The following WWTR1 variants were observed in gnomAD, a reference collection of about 807,000 sequenced individuals.
WWTR1 encodes WW domain-containing transcription regulator protein 1.
A neutral mutation model predicts 40.1 loss-of-function variants in WWTR1; 13 were observed. The observed-to-expected ratio is 0.32, with a 90% CI of 0.21 to 0.52. WWTR1 has a LOEUF of 0.52. Among genes scored for constraint, WWTR1 ranks in the 20% least tolerant of loss-of-function variants. The probability of loss-of-function intolerance (pLI) is 0.97; values close to 1 mark genes in which losing one functional copy is unlikely to be tolerated. For missense variants in WWTR1, 436 were observed against 523.1 expected, an observed-to-expected ratio of 0.83 and a Z score of 1.63; for synonymous variants, 230 against 210.1, an observed-to-expected ratio of 1.09 and a Z score of -0.82.
At chr3:149,539,828 C>A (rs1035300313) in intron 4 of WWTR1, among the ~76,000 whole-genome samples, 2 of 151,970 alleles carry the variant, frequency 1.3e-5, no homozygotes, top group Non-Finnish European at 2.9e-5. Context: ...AACACAGAGC[C>A]CACACCTGAA....
intron 2 of WWTR1, among the ~76,000 whole-genome samples, chr3:149,622,783 G>A (rs780591282): frequency 5.3e-5 from 8 of 151,946 alleles, no homozygotes; most frequent in Non-Finnish European, 1.0e-4. Flanking sequence ...CCAGCTACTC[G>A]GGAGGCTGAG....
At chr3:149,533,708 G>A (rs920590993) in intron 4 of WWTR1, among the ~76,000 whole-genome samples, 2 of 152,086 alleles carry the variant, frequency 1.3e-5, no homozygotes, top group African/African-American at 4.8e-5. Flanking sequence ...GTTACTACAT[G>A]TTGTGGCATC....
intron 2 of WWTR1, among the ~76,000 whole-genome samples, chr3:149,578,748 T>C (rs569631893): frequency 9.2e-5 from 14 of 152,012 alleles, no homozygotes; most frequent in African/African-American, 3.4e-4. Flanking sequence ...AAATACAAAA[T>C]TAGACAGGCA....
Position 149,595,246 on chromosome 3 carries a change from C to A in WWTR1, c.432-22246G>T, listed in dbSNP as rs531266053. Among the ~76,000 whole-genome samples, 8 of 152,160 alleles carry A rather than the reference C, an allele frequency of 5.3e-5. No individual in the cohort carries two copies. In the South Asian group the frequency reaches 1.7e-3, roughly 32 times the overall value. ...AAGTGCTGGGATTACAGGCATGAGC[C>A]ACCGCGCCCAGCCTTGCCTATAACT... On this transcript the variant is annotated intron_variant, in intron 2 of 6. Coordinates refer to ENST00000360632, the MANE Select transcript of WWTR1 (RefSeq NM_015472.6).
chr3:149,558,531 G>T (rs1736945156), intron 3 of WWTR1, among the ~76,000 whole-genome samples: 1 of 152,154 alleles, frequency 6.6e-6, no homozygotes. Flanking sequence ...AGCATGCTCT[G>T]CTGCCCCCAC....
At chr3:149,621,969 ACT>A (rs1427571884) in intron 2 of WWTR1, among the ~76,000 whole-genome samples, 1 of 151,938 alleles carries the variant, frequency 6.6e-6, no homozygotes, top group Non-Finnish European at 1.5e-5. Context: ...CTTTATTTCA[ACT>A]CTCACTCACT....
chr3:149,598,304 A>T (rs1171337225), intron 2 of WWTR1, among the ~76,000 whole-genome samples: 1 of 152,234 alleles, frequency 6.6e-6, no homozygotes, highest in Non-Finnish European at 1.5e-5. Context: ...TTGCCTATAG[A>T]TTATCAAGAA....
chr3:149,626,625 G>C (rs1740555092), intron 2 of WWTR1, among the ~76,000 whole-genome samples: 1 of 151,894 alleles, frequency 6.6e-6, no homozygotes, highest in Non-Finnish European at 1.5e-5. Flanking sequence ...TTTTTGGTTA[G>C]AGGTAAAATT....
chr3:149,519,645 T>A lies in WWTR1; in HGVS notation c.*1160A>T, dbSNP rs1006810062. On this transcript the variant is annotated 3_prime_UTR_variant, in exon 7 of 7. Coordinates refer to ENST00000360632, the MANE Select transcript of WWTR1 (RefSeq NM_015472.6). ...TCAGCTACAAAATTACAGTGCTTTATAAAATAAACATCAAGGCCGGGTGCG... is the reference window on the plus strand; with the variant it reads ...TCAGCTACAAAATTACAGTGCTTTAAAAAATAAACATCAAGGCCGGGTGCG... 3 of 152,178 alleles carry A rather than the reference T, an allele frequency of 2.0e-5. No homozygotes were observed. The highest frequency in any genetic ancestry group is 7.2e-5 in the African/African-American group (3 of 41,436). The allele number at this position is 152,178 out of a possible 1,614,324, so 9.4% of individuals were successfully genotyped here. A position where few individuals can be genotyped will look rare whatever the true frequency, so the allele number is the denominator to read the frequency against.
At chr3:149,584,051 A>C (rs1576578593) in intron 2 of WWTR1, among the ~76,000 whole-genome samples, 2 of 152,228 alleles carry the variant, frequency 1.3e-5, no homozygotes, top group East Asian at 3.8e-4. Context: ...AAATACTTTG[A>C]CAATTGTTTT....
At chr3:149,660,829 A>G (rs1001896051), upstream of WWTR1, among the ~76,000 whole-genome samples, 3 of 152,232 alleles carry the variant, frequency 2.0e-5, no homozygotes, top group East Asian at 5.8e-4. Context: ...AGCTGGCTCT[A>G]TCTGCTACAT....
At chr3:149,691,511 T>G (rs1714826148) in intron 1 of WWTR1, among the ~76,000 whole-genome samples, 1 of 151,734 alleles carries the variant, frequency 6.6e-6, no homozygotes. Flanking sequence ...CAAAAGATCA[T>G]TAGAGACTAC....
chr3:149,671,136 A>T (rs1205524561), intron 1 of WWTR1, among the ~76,000 whole-genome samples: 1 of 152,132 alleles, frequency 6.6e-6, no homozygotes, highest in African/African-American at 2.4e-5. Flanking sequence ...TATTTAACTC[A>T]TGAATCCTCA....
At chr3:149,557,198 G>A (rs1014069929) in intron 3 of WWTR1, among the ~76,000 whole-genome samples, 3 of 148,508 alleles carry the variant, frequency 2.0e-5, no homozygotes, top group Admixed American at 6.8e-5. Flanking sequence ...AGCCTCCCAA[G>A]TAGTTGAGAT....
intron 1 of WWTR1, among the ~76,000 whole-genome samples, chr3:149,699,454 C>T (rs530431253): frequency 4.9e-4 from 74 of 152,150 alleles, no homozygotes; most frequent in South Asian, 4.4e-3. Flanking sequence ...TCACCATGCC[C>T]GGCTAATTTT....
At chr3:149,610,197 ATACT>A (rs773371473) in intron 2 of WWTR1, among the ~76,000 whole-genome samples, 4 of 152,252 alleles carry the variant, frequency 2.6e-5, no homozygotes, top group Non-Finnish European at 5.9e-5. Flanking sequence ...CATAATATCC[ATACT>A]TAAATTTTCA....
At chr3:149,647,236 G>T (rs1712582541) in intron 2 of WWTR1, among the ~76,000 whole-genome samples, 1 of 152,186 alleles carries the variant, frequency 6.6e-6, no homozygotes, top group African/African-American at 2.4e-5. Flanking sequence ...ACTCTTCCCA[G>T]TAAATGCCTT....
intron 2 of WWTR1, among the ~76,000 whole-genome samples, chr3:149,599,411 T>C (rs1255834021): frequency 6.6e-6 from 1 of 152,246 alleles, no homozygotes; most frequent in Non-Finnish European, 1.5e-5. Context: ...AGGCACTGTT[T>C]GCAAATGGCT....
chr3:149,557,425 T>A (rs1404027459), intron 3 of WWTR1, among the ~76,000 whole-genome samples: 1 of 152,158 alleles, frequency 6.6e-6, no homozygotes, highest in African/African-American at 2.4e-5. Flanking sequence ...AGAGTCTAGA[T>A]GACTTACGGG....
Sources: gnomAD v4.1 joint callset for allele counts (sites outside exome capture counted in the v4.1 genomes callset) on GRCh38, gnomAD v4.1.1 for gene constraint, MANE v1.5 for transcripts, NCBI Gene and HGNC (gene_info 2026-07-23, HGNC 2026-07-21) for gene names.